BMPR2: variants seen among roughly 807,000 people sequenced by gnomAD.
BMPR2 encodes the protein bone morphogenetic protein receptor type-2.
Under a neutral mutation model 100.8 loss-of-function variants are expected in BMPR2, and 29 were observed. The observed-to-expected ratio is 0.29, with a 90% CI of 0.21 to 0.39. BMPR2 has a LOEUF of 0.39. BMPR2 is among the 10% of genes least tolerant of loss of function. The pLI, the probability that BMPR2 is intolerant of heterozygous loss-of-function variation, is 1.00. For missense variants in BMPR2, 1,011 were observed against 1,274.5 expected, an observed-to-expected ratio of 0.79 and a Z score of 3.15; for synonymous variants, 382 against 442.3, an observed-to-expected ratio of 0.86 and a Z score of 1.71.
At chr2:202,425,552 G>A (rs1357904510) in intron 1 of BMPR2, among the ~76,000 whole-genome samples, 1 of 152,146 alleles carries the variant, frequency 6.6e-6, no homozygotes, top group Non-Finnish European at 1.5e-5. Flanking sequence ...AAGGATATGA[G>A]GAGACAGCTT....
intron 1 of BMPR2, among the ~76,000 whole-genome samples, chr2:202,450,899 T>C (rs1487567027): frequency 6.6e-6 from 1 of 152,176 alleles, no homozygotes; most frequent in Non-Finnish European, 1.5e-5. Flanking sequence ...TTGAGAAGTT[T>C]GTGTTCTGGG....
At chr2:202,433,172 A>C (rs1341094752) in intron 1 of BMPR2, among the ~76,000 whole-genome samples, 1 of 150,618 alleles carries the variant, frequency 6.6e-6, no homozygotes, top group Admixed American at 6.6e-5. Context: ...GCTAAATTTC[A>C]TCTTTACTGG....
intron 1 of BMPR2, among the ~76,000 whole-genome samples, chr2:202,450,086 G>A (rs905717711): frequency 6.6e-6 from 1 of 152,074 alleles, no homozygotes; most frequent in Admixed American, 6.5e-5. Flanking sequence ...CTCCAGCCTG[G>A]GCAACAGAGC....
chr2:202,469,871 A>C (rs1692400764), intron 3 of BMPR2, among the ~76,000 whole-genome samples: 1 of 152,200 alleles, frequency 6.6e-6, no homozygotes, highest in Non-Finnish European at 1.5e-5. Context: ...GAAGAGAAAA[A>C]GAACTAATTC....
Position 202,503,414 on chromosome 2 carries a change from G to A in BMPR2, c.419-10305G>A, listed in dbSNP as rs901733695. Among the ~76,000 whole-genome samples the A allele has an allele frequency of 5.3e-5, 8 of 152,246 alleles. No individual in the cohort carries two copies. The highest frequency in any genetic ancestry group is 4.6e-4 in the Admixed American group (7 of 15,290). On this transcript the variant is annotated intron_variant, in intron 3 of 12. Coordinates refer to ENST00000374580, the MANE Select transcript of BMPR2 (RefSeq NM_001204.7). The surrounding 1 kb of genome is among the most constrained non-coding windows in gnomAD (Gnocchi z 4.0). ...GCGCAAGCAGGAACCGGGGCGGCGTGCCGCGCTTGCGGGCCAGCCGGAGTT... is the reference window on the plus strand; with the variant it reads ...GCGCAAGCAGGAACCGGGGCGGCGTACCGCGCTTGCGGGCCAGCCGGAGTT...
chr2:202,414,903 C>A (rs1009882408), intron 1 of BMPR2, among the ~76,000 whole-genome samples: 7 of 151,978 alleles, frequency 4.6e-5, no homozygotes, highest in African/African-American at 1.4e-4. Context: ...CCATGCCCGG[C>A]TAATTTTTGT....
At position 202,564,578 on chromosome 2, in the gene BMPR2, A is replaced by G. The variant is rs1016038273; in HGVS notation, c.*4632A>G. The stretch of plus-strand genomic sequence containing the variant: ...CAAACTTTACCCAAAACTATCTTGC[A>G]TGATTCCCTCCTAAATATATTCCTT... On this transcript the variant is annotated 3_prime_UTR_variant, in exon 13 of 13. Coordinates refer to ENST00000374580, the MANE Select transcript of BMPR2 (RefSeq NM_001204.7). 4 of 152,242 alleles carry G rather than the reference A, an allele frequency of 2.6e-5. No individual in the cohort carries two copies. The highest frequency in any genetic ancestry group is 9.6e-5 in the African/African-American group (4 of 41,468). The allele number at this position is 152,242 out of a possible 1,614,324, so 9.4% of individuals were successfully genotyped here. A position where few individuals can be genotyped will look rare whatever the true frequency, so the allele number is the denominator to read the frequency against.
rs555803457 is a variant in BMPR2 at position 202,566,897 on chromosome 2, G to A, written c.*6951G>A. On this transcript the variant is annotated 3_prime_UTR_variant, in exon 13 of 13. Coordinates refer to ENST00000374580, the MANE Select transcript of BMPR2 (RefSeq NM_001204.7). ...GCTCTTCACCTTGTTACCAATCCTC[G>A]TAAGTATGTAAAGGAAACATATTTT... 2.6e-5 allele frequency: 4 copies of A among 152,032 alleles called. No individual in the cohort carries two copies. The highest frequency in any genetic ancestry group is 6.6e-5 in the Admixed American group (1 of 15,260). 9.4% of individuals were successfully genotyped at this position (152,032 alleles called of 1,614,324 possible).
intron 7 of BMPR2, among the ~76,000 whole-genome samples, chr2:202,529,948 G>T (rs879834296): frequency 6.6e-6 from 1 of 151,924 alleles, no homozygotes; most frequent in African/African-American, 2.4e-5. Flanking sequence ...CAGAGCTATG[G>T]TTTTATTTAA....
Position 202,555,244 on chromosome 2 carries a change from TC to T in BMPR2, c.1587-7del. The T allele has an allele frequency of 1.2e-6, 2 of 1,612,942 alleles. No homozygotes were observed. The highest frequency in any genetic ancestry group is 1.7e-6 in the Non-Finnish European group (2 of 1,179,080). On this transcript the variant is annotated splice_region_variant and splice_polypyrimidine_tract_variant and intron_variant, in intron 11 of 12. Coordinates refer to ENST00000374580, the MANE Select transcript of BMPR2 (RefSeq NM_001204.7). ...TTCTCAATGTGATACTTTTTTTCTTTCTTTAAGCAACCTGTCACATAATAGG... is the reference window on the plus strand; with the variant it reads ...TTCTCAATGTGATACTTTTTTTCTTTTTTAAGCAACCTGTCACATAATAGG...
chr2:202,553,041 T>C (rs912497608), intron 11 of BMPR2, among the ~76,000 whole-genome samples, 153 bp downstream of exon 11: 1 of 152,242 alleles, frequency 6.6e-6, no homozygotes, highest in South Asian at 2.1e-4. Flanking sequence ...ATTCCTATTC[T>C]TCTATTGAAC....
Position 202,561,436 on chromosome 2 carries a change from T to A in BMPR2, c.*1490T>A, listed in dbSNP as rs1688677738. Reference sequence around the variant, plus strand: ...TTCTTTCATTACTTATAATCTCCTCTAAAACAACCTCTGCATGTTTTTTTT... The same window carrying A: ...TTCTTTCATTACTTATAATCTCCTCAAAAACAACCTCTGCATGTTTTTTTT... On this transcript the variant is annotated 3_prime_UTR_variant, in exon 13 of 13. Coordinates refer to ENST00000374580, the MANE Select transcript of BMPR2 (RefSeq NM_001204.7). 1 of 152,144 alleles carries A rather than the reference T, an allele frequency of 6.6e-6. No homozygotes were observed. The highest frequency in any genetic ancestry group is 1.5e-5 in the Non-Finnish European group (1 of 67,984). 9.4% of individuals were successfully genotyped at this position (152,144 alleles called of 1,614,324 possible). A position where few individuals can be genotyped will look rare whatever the true frequency, so the allele number is the denominator to read the frequency against.
rs185738933 is a variant in BMPR2, at chr2:202,422,449, G to C, written c.77-42360G>C. Among the ~76,000 whole-genome samples, 335 of 151,824 alleles carry C rather than the reference G, an allele frequency of 2.2e-3. 1 individual carries two copies. The highest frequency in any genetic ancestry group is 7.6e-3 in the African/African-American group (313 of 41,400). ...AGCCTCCCGAGTAGCTGGGACTACAGGTGTCCGCCACCATGCCCGGCTAAT... is the reference window on the plus strand; with the variant it reads ...AGCCTCCCGAGTAGCTGGGACTACACGTGTCCGCCACCATGCCCGGCTAAT... On this transcript the variant is annotated intron_variant, in intron 1 of 12. Coordinates refer to ENST00000374580, the MANE Select transcript of BMPR2 (RefSeq NM_001204.7).
chr2:202,435,825 A>G lies in BMPR2; in HGVS notation c.77-28984A>G, dbSNP rs954831334. On this transcript the variant is annotated intron_variant, in intron 1 of 12. Coordinates refer to ENST00000374580, the MANE Select transcript of BMPR2 (RefSeq NM_001204.7). ...CAGTATTCAGTGGAATAGCTATACA[A>G]CTATCCTATAGTCTAGAAGTAATAG... is the stretch of plus-strand genomic sequence containing the variant. Among the ~76,000 whole-genome samples, 8 of 150,488 alleles carry G rather than the reference A, an allele frequency of 5.3e-5. No individual in the cohort carries two copies. In the East Asian group the frequency reaches 1.5e-3, roughly 29 times the overall value.
At chr2:202,492,777 A>G (rs1269813966) in intron 3 of BMPR2, among the ~76,000 whole-genome samples, 4 of 152,008 alleles carry the variant, frequency 2.6e-5, no homozygotes. Flanking sequence ...AGCTAGAGCA[A>G]GGGAAACAAC....
At chr2:202,538,462 G>GA (rs1040847897) in intron 9 of BMPR2, among the ~76,000 whole-genome samples, 2 of 149,864 alleles carry the variant, frequency 1.3e-5, no homozygotes, top group African/African-American at 2.5e-5. Flanking sequence ...ATCTCTTAAA[G>GA]AAAAAAAAGA....
At chr2:202,487,539 T>G (rs1692803442) in intron 3 of BMPR2, among the ~76,000 whole-genome samples, 1 of 152,230 alleles carries the variant, frequency 6.6e-6, no homozygotes, top group East Asian at 1.9e-4. Flanking sequence ...TGCTTCTCTA[T>G]CACAAATCAA....
intron 1 of BMPR2, among the ~76,000 whole-genome samples, chr2:202,382,274 G>A (rs1405647019): frequency 1.3e-5 from 2 of 152,032 alleles, no homozygotes; most frequent in Non-Finnish European, 2.9e-5. Flanking sequence ...TAGCCAGGCC[G>A]GTCTCGAACT....
intron 1 of BMPR2, among the ~76,000 whole-genome samples, chr2:202,403,612 G>A (rs1690817302): frequency 6.6e-6 from 1 of 152,146 alleles, no homozygotes; most frequent in African/African-American, 2.4e-5. Flanking sequence ...TTATAATAGG[G>A]TCATCTTATT....
Sources: gnomAD v4.1 joint callset for allele counts (sites outside exome capture counted in the v4.1 genomes callset) on GRCh38, gnomAD v4.1.1 for gene constraint, Gnocchi (gnomAD v3.1) non-coding constraint, MANE v1.5 for transcripts, NCBI Gene and HGNC (gene_info 2026-07-23, HGNC 2026-07-21) for gene names.